The following UNC45A variants were observed in gnomAD, a reference collection of about 807,000 sequenced individuals.
UNC45A encodes unc-45 myosin chaperone A, also known as protein unc-45 homolog A.
A neutral mutation model predicts 103.2 loss-of-function variants in UNC45A; 78 were observed. That is an observed-to-expected ratio of 0.76 (90% CI 0.63 to 0.91). The LOEUF (loss-of-function observed/expected upper bound fraction) is 0.91. Ranked by LOEUF, UNC45A falls within the 40% of genes least tolerant of loss-of-function variation. The pLI is 0.00. For synonymous variants in UNC45A, 495 were observed against 504.6 expected, an observed-to-expected ratio of 0.98 and a Z score of 0.25; for missense variants, 1,193 against 1,224.8, an observed-to-expected ratio of 0.97 and a Z score of 0.39.
At chr15:90,938,331 G>T (rs976228502) in intron 4 of UNC45A, among the ~76,000 whole-genome samples, 1 of 151,912 alleles carries the variant, frequency 6.6e-6, no homozygotes, top group Non-Finnish European at 1.5e-5. Context: ...GCTCAAATTC[G>T]CCAGATAATT....
At chr15:90,950,026 G>T (rs570233046) in intron 15 of UNC45A, 128 bp from the exon 16 acceptor site, 2 of 843,942 alleles carry the variant, frequency 2.4e-6, no homozygotes, top group East Asian at 2.7e-5. Context: ...GATGCAGAGG[G>T]TCTGCACAGG....
At chr15:90,947,014 T>C (rs2036611056) in intron 10 of UNC45A, 100 bp downstream of exon 10, 2 of 1,417,950 alleles carry the variant, frequency 1.4e-6, no homozygotes, top group Non-Finnish European at 1.9e-6. Context: ...CAGATGAAAA[T>C]AAGGAATACT....
In UNC45A at chr15:90,948,188, G is replaced by C. The variant is rs756607925; in HGVS notation, c.1642G>C (p.Val548Leu). 4 of 1,614,082 alleles carry C rather than the reference G, an allele frequency of 2.5e-6. No homozygotes were observed. Among genetic ancestry groups the C allele is most frequent in the Non-Finnish European group, 3.4e-6 (4 of 1,180,054 alleles). ...CGACGCAGGCACTCGGCGCTGGGCA[G>C]TGGAGGGCCTGGCTTACCTGACCTT... is the stretch of plus-strand genomic sequence containing the variant. Reference protein sequence around the residue: ...QIDAGTRRWAVEGLAYLTFDA... With the variant: ...QIDAGTRRWALEGLAYLTFDA... Residue 548 changes from valine to leucine, a missense_variant, in exon 12 of 20, where the codon GTG becomes CTG. Val to Leu is a conservative substitution (Grantham distance 32). Coordinates refer to ENST00000418476, the MANE Select transcript of UNC45A (RefSeq NM_018671.5).
At chr15:90,952,395 C>G (rs2036964359) in intron 17 of UNC45A, 1 of 154,186 alleles carries the variant, frequency 6.5e-6, no homozygotes, top group Non-Finnish European at 1.4e-5. Context: ...AAAGTAGGAG[C>G]AAGAGACAGT....
intron 15 of UNC45A, 28 bp from the exon 16 acceptor site, chr15:90,950,126 C>G (rs202246072): frequency 6.5e-7 from 1 of 1,548,420 alleles, no homozygotes; most frequent in East Asian, 2.4e-5. Context: ...CAGGGATGTC[C>G]TGAGCAGTGA....
intron 17 of UNC45A, 177 bp from the exon 18 acceptor site, chr15:90,952,752 G>C: frequency 1.6e-6 from 1 of 613,180 alleles, no homozygotes; most frequent in East Asian, 2.8e-5. Flanking sequence ...TAAATAACCA[G>C]ATCTCACGAG....
upstream of UNC45A, chr15:90,935,137 G>T (rs1290055838): frequency 3.2e-6 from 2 of 624,984 alleles, no homozygotes; most frequent in Admixed American, 2.8e-5. Context: ...CCCGGAGCTT[G>T]CCTGCACCTG....
rs1383333034 is a variant in UNC45A, at chr15:90,936,271, C to T, written c.251-14C>T. ...GGCCTCATGGGTGCTGACAGCGCTC[C>T]TGTTTGTGCTCAGCCATTGAAAAGG... On this transcript the variant is annotated splice_polypyrimidine_tract_variant and intron_variant, in intron 3 of 19. Transcript: ENST00000418476. The T allele has an allele frequency of 6.2e-7, 1 of 1,607,056 alleles. No homozygotes were observed. The highest frequency in any genetic ancestry group is 1.7e-5 in the Admixed American group (1 of 58,656).
chr15:90,932,397 C>G (rs1450843113), upstream of UNC45A: 2 of 1,274,762 alleles, frequency 1.6e-6, no homozygotes, highest in Admixed American at 7.5e-5. Context: ...ACCCAGGTGC[C>G]GCAGCCGGCG....
chr15:90,942,641 A>G lies in UNC45A; in HGVS notation c.856+36A>G. The G allele has an allele frequency of 1.9e-6, 3 of 1,613,700 alleles. 1 individual carries two copies. The South Asian group carries it at 3.3e-5, about 18-fold the overall frequency. Reference sequence around the variant, plus strand: ...GCAGGTCTGGGGTCTTTTGGACGTTACTGTCATGGAAGGGATGGGGCTGAG... The same window carrying G: ...GCAGGTCTGGGGTCTTTTGGACGTTGCTGTCATGGAAGGGATGGGGCTGAG... On this transcript the variant is annotated intron_variant, in intron 7 of 19. Coordinates refer to ENST00000418476, the MANE Select transcript of UNC45A (RefSeq NM_018671.5).
intron 17 of UNC45A, among the ~76,000 whole-genome samples, chr15:90,951,633 T>C (rs1467509598): frequency 6.6e-6 from 1 of 152,092 alleles, no homozygotes; most frequent in Admixed American, 6.5e-5. Flanking sequence ...TCAGGAAGAA[T>C]AGCTAATGCA....
chr15:90,931,694 G>T (rs779018863), upstream of UNC45A: 1 of 1,614,012 alleles, frequency 6.2e-7, no homozygotes, highest in Non-Finnish European at 8.5e-7. Context: ...CAGCCCATAC[G>T]AAAGCGTACC....
chr15:90,945,335 T>C (rs2036509076), intron 9 of UNC45A, among the ~76,000 whole-genome samples: 1 of 152,002 alleles, frequency 6.6e-6, no homozygotes, highest in Admixed American at 6.6e-5. Flanking sequence ...TACGCTTCTG[T>C]TCCCACACAG....
Position 90,953,485 on chromosome 15 carries a change from G to A in UNC45A, c.2604G>A (p.Gln868=). ...QVTTHWLEIL[Q]ALLLSSNQEL... ...CCACACACTGGCTGGAGATCCTGCA[G>A]GCCCTGCTTCTGAGCTCCAACCAGG... Residue 868 remains glutamine, a synonymous_variant, in exon 20 of 20, where the codon CAG becomes CAA. Transcript: ENST00000418476. 1 of 1,613,964 alleles carries A rather than the reference G, an allele frequency of 6.2e-7. No individual in the cohort carries two copies. The highest frequency in any genetic ancestry group is 8.5e-7 in the Non-Finnish European group (1 of 1,180,048).
At chr15:90,933,984 C>T, upstream of UNC45A, 1 of 398,964 alleles carries the variant, frequency 2.5e-6, no homozygotes, top group Non-Finnish European at 4.4e-6. Context: ...CAGTCACGGC[C>T]TAGAAAGAGA....
At position 90,953,621 on chromosome 15, in the gene UNC45A, A is replaced by G. The variant is rs781746254; in HGVS notation, c.2740A>G (p.Lys914Glu). 4.3e-6 allele frequency: 7 copies of G among 1,614,044 alleles called. No homozygotes were observed. In the South Asian group the frequency reaches 7.7e-5, roughly 18 times the overall value. Residue 914 changes from lysine (K) to glutamate (E), a missense_variant, in exon 20 of 20, where the codon AAG becomes GAG. By Grantham distance (56) the Lys-to-Glu change is moderately conservative. Transcript: ENST00000418476. ...GATGGAGATCTTGTCAGTGCTAGCT[A>G]AGGGTGACCACAGCCCTGTCACAAG... ...EMMEILSVLAKGDHSPVTRAA... is the reference protein window; with the variant it reads ...EMMEILSVLAEGDHSPVTRAA...
rs577657387 is a variant in UNC45A at position 90,937,125 on chromosome 15, C to T, written c.426+665C>T. 1.7e-4 allele frequency among the ~76,000 whole-genome samples: 26 copies of T among 152,298 alleles called. 1 individual carries two copies. Among genetic ancestry groups the T allele is most frequent in the Admixed American group, 1.4e-3 (22 of 15,298 alleles). On this transcript the variant is annotated intron_variant, in intron 4 of 19. Coordinates refer to ENST00000418476, the MANE Select transcript of UNC45A (RefSeq NM_018671.5). The stretch of plus-strand genomic sequence containing the variant: ...CTTTTGGAGGCCAAGATGGGATGAT[C>T]ACTGGAGGCCAGGAGTTTGAGACCA...
upstream of UNC45A, chr15:90,932,115 C>T (rs760519177): frequency 1.9e-6 from 3 of 1,584,844 alleles, no homozygotes; most frequent in African/African-American, 4.0e-5. Context: ...CCACACCTGA[C>T]GGGGAGGGGC....
At chr15:90,949,294 C>T (rs200802237) in intron 13 of UNC45A, 22 bp from the exon 14 acceptor site, 138 of 1,607,478 alleles carry the variant, frequency 8.6e-5, no homozygotes, top group Non-Finnish European at 1.0e-4. Context: ...AGGCCCCTCT[C>T]CTAAGCTGCC....
Sources: allele counts gnomAD v4.1 joint callset (sites outside exome capture counted in the v4.1 genomes callset), GRCh38; gene constraint gnomAD v4.1.1; transcripts MANE v1.5; gene names NCBI Gene and HGNC (gene_info 2026-07-23, HGNC 2026-07-21).